PPWD1: variants seen among roughly 807,000 people sequenced by gnomAD.
The protein encoded by PPWD1 is peptidylprolyl isomerase domain and WD repeat-containing protein 1.
Under a neutral mutation model 68.8 loss-of-function variants are expected in PPWD1, and 43 were observed. The ratio of observed to expected loss-of-function variants is 0.62; its 90% confidence interval spans 0.49 to 0.81. The LOEUF (loss-of-function observed/expected upper bound fraction) is 0.81, where lower values mean the gene tolerates loss of function less well. PPWD1 is among the 30% of genes least tolerant of loss of function. The pLI is 0.00. For synonymous variants in PPWD1, 232 were observed against 258.7 expected (o/e 0.90, Z 0.99); for missense variants, 672 against 804.8 (o/e 0.83, Z 2.00).
chr5:65,571,721 C>G, intron 4 of PPWD1, 118 bp from the exon 5 acceptor site: 1 of 1,440,010 alleles, frequency 6.9e-7, no homozygotes, highest in Non-Finnish European at 9.2e-7. Flanking sequence ...TACTTTTGAG[C>G]AAGGAATCCA....
At chr5:65,587,133 CTTT>C in intron 10 of PPWD1, 117 bp from the exon 11 acceptor site, 2 of 1,101,820 alleles carry the variant, frequency 1.8e-6, no homozygotes, top group Non-Finnish European at 2.4e-6. Flanking sequence ...TATTGTACTT[CTTT>C]TTAAATATAT....
intron 8 of PPWD1, among the ~76,000 whole-genome samples, chr5:65,584,029 A>C (rs1561733079): frequency 6.6e-6 from 1 of 152,186 alleles, no homozygotes; most frequent in Non-Finnish European, 1.5e-5. Flanking sequence ...AGTTTAAAAG[A>C]CTGTAAAATT....
intron 4 of PPWD1, among the ~76,000 whole-genome samples, chr5:65,571,530 ATC>A (rs1161018865): frequency 6.6e-6 from 1 of 152,214 alleles, no homozygotes; most frequent in Non-Finnish European, 1.5e-5. Context: ...GTCCCAGAAG[ATC>A]TTAAGGTCCA....
intron 2 of PPWD1, 114 bp from the exon 3 acceptor site, chr5:65,569,518 T>TA (rs914484020): frequency 5.0e-4 from 592 of 1,185,586 alleles, no homozygotes; most frequent in South Asian, 1.5e-3. Context: ...GGGTTTTTTT[T>TA]AAAAAAAAAC....
chr5:65,573,203 A>G (rs975126872), intron 5 of PPWD1, among the ~76,000 whole-genome samples: 1 of 151,726 alleles, frequency 6.6e-6, no homozygotes, highest in Non-Finnish European at 1.5e-5. Context: ...TCCATTACCT[A>G]TTGAACTGGT....
chr5:65,567,812 A>G, intron 2 of PPWD1, 197 bp downstream of exon 2: 2 of 1,024,722 alleles, frequency 2.0e-6, no homozygotes, highest in Non-Finnish European at 2.5e-6. Context: ...CCCTGAGTTT[A>G]TATGTATGTC....
chr5:65,572,081 A>C lies in PPWD1; in HGVS notation c.764A>C (p.His255Pro). The change falls in exon 5 of 11, where the codon CAT becomes CCT. Residue 255 changes from histidine to proline, a missense_variant. By Grantham distance (77) the His-to-Pro change is moderately conservative (BLOSUM62 -2). Around this residue, in one of 2 missense-constraint regions of PPWD1, gnomAD observed 484 missense variants for 646.2 expected, o/e 0.75. Transcript: ENST00000261308. Reference sequence around the variant, plus strand: ...ATTGAATACTGGACTGGGCCTCCTCATGAATATAAATTCCCCAAAAATGTG... The same window carrying C: ...ATTGAATACTGGACTGGGCCTCCTCCTGAATATAAATTCCCCAAAAATGTG... ...GMIEYWTGPP[H>P]EYKFPKNVNW... is the part of the protein sequence containing the mutation. 6.2e-7 allele frequency: 1 copy of C among 1,613,726 alleles called. No individual in the cohort carries two copies. The highest frequency in any genetic ancestry group is 8.5e-7 in the Non-Finnish European group (1 of 1,179,608).
At chr5:65,571,156 G>A (rs914176788) in intron 4 of PPWD1, among the ~76,000 whole-genome samples, 2 of 152,074 alleles carry the variant, frequency 1.3e-5, no homozygotes, top group African/African-American at 2.4e-5. Context: ...AGAAATTCTT[G>A]AAGAAGAGGT....
Position 65,567,497 on chromosome 5 carries a change from A to G in PPWD1, c.197-16A>G. The stretch of plus-strand genomic sequence containing the variant: ...TTGTTAAAAATAGATCTTATACTTT[A>G]CTTTTTTTTCTTCAGTCTTAGAGTT... On this transcript the variant is annotated splice_polypyrimidine_tract_variant and intron_variant, in intron 1 of 10. Coordinates refer to ENST00000261308, the MANE Select transcript of PPWD1 (RefSeq NM_015342.4). The G allele has an allele frequency of 6.3e-7, 1 of 1,590,272 alleles. No homozygotes were observed. The highest frequency in any genetic ancestry group is 8.6e-7 in the Non-Finnish European group (1 of 1,169,194).
chr5:65,587,398 A>G lies in PPWD1; in HGVS notation c.*2A>G, dbSNP rs201905835. 4.2e-5 allele frequency: 67 copies of G among 1,600,106 alleles called. 1 individual carries two copies. In the East Asian group the frequency reaches 8.1e-4, roughly 19 times the overall value. ...ATCATAAATATTACTGTCAAGTAAA[A>G]TAAGATTTGTTTTAATGTACTTGCA... is the stretch of plus-strand genomic sequence containing the variant. On this transcript the variant is annotated 3_prime_UTR_variant, in exon 11 of 11. Coordinates refer to ENST00000261308, the MANE Select transcript of PPWD1 (RefSeq NM_015342.4).
intron 5 of PPWD1, among the ~76,000 whole-genome samples, chr5:65,575,903 G>A (rs1242831458): frequency 6.6e-6 from 1 of 152,148 alleles, no homozygotes; most frequent in Non-Finnish European, 1.5e-5. Context: ...AATTCATTCA[G>A]CAAAAATTGA....
At chr5:65,580,613 C>T (rs1161454483) in intron 7 of PPWD1, among the ~76,000 whole-genome samples, 1 of 152,052 alleles carries the variant, frequency 6.6e-6, no homozygotes, top group Non-Finnish European at 1.5e-5. Context: ...TCCTGGGTTC[C>T]AGCAATTCGC....
At chr5:65,564,233 G>A (rs1482115043) in intron 1 of PPWD1, among the ~76,000 whole-genome samples, 5 of 151,404 alleles carry the variant, frequency 3.3e-5, no homozygotes, top group Non-Finnish European at 7.4e-5. Flanking sequence ...AAGTATTTAA[G>A]ACATTTTAAA....
chr5:65,582,663 A>C (rs1040588400), intron 7 of PPWD1: 3 of 157,576 alleles, frequency 1.9e-5, no homozygotes, highest in Admixed American at 6.2e-5. Context: ...ATTCAAATCC[A>C]AACAATCTAA....
At chr5:65,575,861 A>G (rs1412072370) in intron 5 of PPWD1, among the ~76,000 whole-genome samples, 1 of 152,236 alleles carries the variant, frequency 6.6e-6, no homozygotes, top group African/African-American at 2.4e-5. Flanking sequence ...ATTTTCTGAA[A>G]TATTATGAAT....
intron 5 of PPWD1, among the ~76,000 whole-genome samples, chr5:65,572,954 A>C (rs962466652): frequency 1.3e-5 from 2 of 152,134 alleles, no homozygotes. Flanking sequence ...CATCTTTTAC[A>C]AGCATATATC....
In PPWD1 at chr5:65,571,913, G is replaced by A. The variant is rs1315708542; in HGVS notation, c.596G>A (p.Ser199Asn). 2 of 1,613,924 alleles carry A rather than the reference G, an allele frequency of 1.2e-6. No homozygotes were observed. Among genetic ancestry groups the A allele is most frequent in the African/African-American group, 2.7e-5 (2 of 74,876 alleles). ...AISSVAASEK[S>N]TGKIFIYDGR... ...TCTTCAGTTGCTGCTTCCGAAAAGA[G>A]TACAGGAAAAATTTTCATTTATGAT... Residue 199 changes from serine (S) to asparagine (N), a missense_variant, in exon 5 of 11, where the codon AGT becomes AAT. Coordinates refer to ENST00000261308, the MANE Select transcript of PPWD1 (RefSeq NM_015342.4).
At chr5:65,564,195 T>G (rs955923318) in intron 1 of PPWD1, among the ~76,000 whole-genome samples, 9 of 152,256 alleles carry the variant, frequency 5.9e-5, no homozygotes, top group Admixed American at 2.0e-4. Context: ...TGTTTTGTTA[T>G]CTTGTTTTTC....
chr5:65,577,003 A>G lies in PPWD1; in HGVS notation c.1094A>G (p.Glu365Gly). The change falls in exon 6 of 11, where the codon GAA becomes GGA. Residue 365 changes from glutamate (E) to glycine (G), a missense_variant. Coordinates refer to ENST00000261308, the MANE Select transcript of PPWD1 (RefSeq NM_015342.4). Reference sequence around the variant, plus strand: ...AGATTAATTAATATAGTTTTTGATGAAACTGGACACTTCGTGCTGTATGGA... The same window carrying G: ...AGATTAATTAATATAGTTTTTGATGGAACTGGACACTTCGTGCTGTATGGA... ...AVRLINIVFD[E>G]TGHFVLYGTM... The G allele has an allele frequency of 6.2e-7, 1 of 1,614,162 alleles. No homozygotes were observed. The highest frequency in any genetic ancestry group is 8.5e-7 in the Non-Finnish European group (1 of 1,179,992).
Sources: allele counts gnomAD v4.1 joint callset (sites outside exome capture counted in the v4.1 genomes callset), GRCh38; gene constraint gnomAD v4.1.1; regional missense constraint gnomAD v4.1.1; transcripts MANE v1.5; gene names NCBI Gene and HGNC (gene_info 2026-07-23, HGNC 2026-07-21).